DLG2: variants seen among roughly 807,000 people sequenced by gnomAD.
DLG2 encodes discs large MAGUK scaffold protein 2, also known as disks large homolog 2.
In DLG2, 45 loss-of-function variants were observed where a neutral mutation model predicts 132.5. The ratio of observed to expected loss-of-function variants is 0.34; its 90% CI spans 0.27 to 0.44. DLG2 has a LOEUF of 0.44. Ranked by LOEUF, DLG2 falls within the 20% of genes least tolerant of loss-of-function variation. The probability of loss-of-function intolerance (pLI) is 1.00; values close to 1 mark genes in which losing one functional copy is unlikely to be tolerated. For synonymous variants in DLG2, 424 were observed against 419.6 expected, an observed-to-expected ratio of 1.01 and a Z score of -0.13; for missense variants, 1,045 against 1,196.9, an observed-to-expected ratio of 0.87 and a Z score of 1.87.
At chr11:83,701,595 G>C (rs2082952780) in intron 18 of DLG2, among the ~76,000 whole-genome samples, 1 of 152,158 alleles carries the variant, frequency 6.6e-6, no homozygotes, top group South Asian at 2.1e-4. Flanking sequence ...ATGGAATTAG[G>C]GACGCTATGA....
chr11:84,035,069 C>G (rs1319684680), intron 11 of DLG2, among the ~76,000 whole-genome samples: 1 of 152,066 alleles, frequency 6.6e-6, no homozygotes, highest in Non-Finnish European at 1.5e-5. Flanking sequence ...TAACAGAGAA[C>G]TCACTACGTT....
chr11:84,038,490 G>GT (rs1015880817), intron 11 of DLG2, among the ~76,000 whole-genome samples: 6 of 151,932 alleles, frequency 3.9e-5, no homozygotes, highest in Non-Finnish European at 5.9e-5. Flanking sequence ...AAAACTTTGT[G>GT]TTTTTTTAAA....
chr11:85,315,014 G>A (rs2080559549), intron 3 of DLG2, among the ~76,000 whole-genome samples: 1 of 152,006 alleles, frequency 6.6e-6, no homozygotes. Flanking sequence ...GGTACATGAG[G>A]TTGGCATGAG....
chr11:85,325,485 C>A lies in DLG2; in HGVS notation c.41-40120G>T, dbSNP rs1159491924. On this transcript the variant is annotated intron_variant, in intron 3 of 27. Transcript: ENST00000376104. ...GACCCCTGACCCCCGAGCAGCCTAA[C>A]TGGGAGGCACCCCCCAGCAGGGGCA... Among the ~76,000 whole-genome samples the A allele has an allele frequency of 1.2e-4, 16 of 136,706 alleles. No homozygotes were observed. The South Asian group carries it at 2.1e-3, about 18-fold the overall frequency. 89.7% of individuals were successfully genotyped at this position (136,706 alleles called of 152,430 possible).
At chr11:83,811,460 T>C (rs986234382) in intron 17 of DLG2, among the ~76,000 whole-genome samples, 13 of 152,072 alleles carry the variant, frequency 8.5e-5, no homozygotes, top group African/African-American at 3.1e-4. Flanking sequence ...ATTATTAATA[T>C]CACTAAAAGA....
At chr11:84,116,996 C>T (rs192097770) in intron 9 of DLG2, among the ~76,000 whole-genome samples, 218 of 152,342 alleles carry the variant, frequency 1.4e-3, no homozygotes, top group African/African-American at 5.0e-3. Context: ...CCAGTATTCA[C>T]TTTACTTTGT....
chr11:83,879,718 T>C (rs894330891), intron 15 of DLG2, among the ~76,000 whole-genome samples: 3 of 152,192 alleles, frequency 2.0e-5, no homozygotes, highest in African/African-American at 7.2e-5. Flanking sequence ...GTTGTAGTTA[T>C]ACCCAATAAA....
At chr11:85,259,869 G>A (rs2076853671) in intron 4 of DLG2, among the ~76,000 whole-genome samples, 2 of 151,864 alleles carry the variant, frequency 1.3e-5, no homozygotes, top group Admixed American at 6.6e-5. Flanking sequence ...GAAATTGTTT[G>A]GTATTCACTT....
At chr11:85,225,675 C>T (rs1517312) in intron 4 of DLG2, among the ~76,000 whole-genome samples, 120,727 of 151,376 alleles carry the variant, frequency 0.8, 49,006 homozygotes, top group Non-Finnish European at 0.89. Flanking sequence ...TTCCTTTTCT[C>T]TTCTCTCTGT....
rs149809394 is a variant in DLG2, at chr11:84,829,219, T to A, written c.357+282442A>T. 1.5e-3 allele frequency among the ~76,000 whole-genome samples: 222 copies of A among 151,794 alleles called. 2 individuals are homozygous for A. The highest frequency in any genetic ancestry group is 5.1e-3 in the African/African-American group (212 of 41,492). The stretch of plus-strand genomic sequence containing the variant: ...CCTCCCTGCCCCACTCACATAGGAC[T>A]TGACCATGTGATTTGTTTTGATTAA... On this transcript the variant is annotated intron_variant, in intron 6 of 27. Transcript: ENST00000376104.
intron 10 of DLG2, among the ~76,000 whole-genome samples, chr11:84,083,220 C>T (rs2096928659): frequency 6.6e-6 from 1 of 152,214 alleles, no homozygotes; most frequent in Non-Finnish European, 1.5e-5. Flanking sequence ...GTGGAGATTC[C>T]AGTGAGCTGA....
chr11:83,996,964 G>A (rs1439337148), intron 11 of DLG2, among the ~76,000 whole-genome samples: 1 of 152,026 alleles, frequency 6.6e-6, no homozygotes, highest in African/African-American at 2.4e-5. Context: ...AACAAAAAGA[G>A]TATAATTGGA....
chr11:83,855,064 T>A (rs1595492165), intron 16 of DLG2, among the ~76,000 whole-genome samples: 1 of 152,208 alleles, frequency 6.6e-6, no homozygotes, highest in Admixed American at 6.5e-5. Context: ...AATAAGCACA[T>A]GAAAAGACGC....
chr11:84,358,148 T>C (rs1011655206), intron 7 of DLG2, among the ~76,000 whole-genome samples: 13 of 152,050 alleles, frequency 8.5e-5, no homozygotes, highest in African/African-American at 2.7e-4. Flanking sequence ...CACATACATG[T>C]GTGCAGGCAC....
At chr11:84,697,005 G>C (rs576371086) in intron 6 of DLG2, among the ~76,000 whole-genome samples, 16 of 151,476 alleles carry the variant, frequency 1.1e-4, no homozygotes, top group South Asian at 8.3e-4. Flanking sequence ...AGGTACCTCA[G>C]TAGACTTTGG....
intron 6 of DLG2, among the ~76,000 whole-genome samples, chr11:84,882,268 G>A (rs1357504289): frequency 1.3e-5 from 2 of 151,910 alleles, no homozygotes; most frequent in Admixed American, 6.6e-5. Context: ...AAGTGCCTAG[G>A]AAAACAGGTT....
At chr11:84,919,910 G>A (rs1261578283) in intron 6 of DLG2, among the ~76,000 whole-genome samples, 1 of 152,146 alleles carries the variant, frequency 6.6e-6, no homozygotes, top group Non-Finnish European at 1.5e-5. Flanking sequence ...TCTTTTTAGT[G>A]AGTAGACTAA....
intron 6 of DLG2, among the ~76,000 whole-genome samples, chr11:85,088,627 G>A (rs1173611553): frequency 6.6e-6 from 1 of 152,090 alleles, no homozygotes; most frequent in Non-Finnish European, 1.5e-5. Flanking sequence ...AATAAGGTGA[G>A]GATAGCTACT....
chr11:85,594,864 G>A (rs1014741785), intron 3 of DLG2, among the ~76,000 whole-genome samples: 2 of 151,688 alleles, frequency 1.3e-5, no homozygotes, highest in Admixed American at 6.6e-5. Flanking sequence ...TCAGGAGTTC[G>A]AGACCAGTCT....
Sources: gnomAD v4.1 joint callset for allele counts (sites outside exome capture counted in the v4.1 genomes callset) on GRCh38, gnomAD v4.1.1 for gene constraint, MANE v1.5 for transcripts, NCBI Gene and HGNC (gene_info 2026-07-23, HGNC 2026-07-21) for gene names.